TMEM120B: variants seen among roughly 807,000 people sequenced by gnomAD.
The protein encoded by TMEM120B is transmembrane protein 120B.
TMEM120B carries 31 observed loss-of-function variants against 55.5 expected under a neutral mutation model. The ratio of observed to expected loss-of-function variants is 0.56; its 90% CI spans 0.42 to 0.75. The LOEUF is 0.75. Ranked by LOEUF, TMEM120B falls within the 30% of genes least tolerant of loss-of-function variation. The pLI, the probability that TMEM120B is intolerant of heterozygous loss-of-function variation, is 0.00. For synonymous variants in TMEM120B, 203 were observed against 176.3 expected (o/e 1.15, Z -1.20); for missense variants, 399 against 425.5 (o/e 0.94, Z 0.55).
chr12:121,769,408 C>T (rs1289670509), intron 6 of TMEM120B, among the ~76,000 whole-genome samples: 2 of 152,232 alleles, frequency 1.3e-5, no homozygotes, highest in Middle Eastern at 3.4e-3. Flanking sequence ...AGCTGCAGTC[C>T]TGTGTAAGAA....
intron 1 of TMEM120B, among the ~76,000 whole-genome samples, chr12:121,724,491 G>C (rs1429696705): frequency 6.6e-6 from 1 of 150,620 alleles, no homozygotes; most frequent in African/African-American, 2.4e-5. Context: ...CTATTTCTTA[G>C]GTTTATGGTG....
At chr12:121,744,413 G>T (rs1452674706) in intron 2 of TMEM120B, among the ~76,000 whole-genome samples, 1 of 152,214 alleles carries the variant, frequency 6.6e-6, no homozygotes, top group South Asian at 2.1e-4. Flanking sequence ...AAGATAAGTA[G>T]TTTCCCGGGT....
At chr12:121,724,759 C>T (rs535878588) in intron 1 of TMEM120B, among the ~76,000 whole-genome samples, 126 of 151,910 alleles carry the variant, frequency 8.3e-4, no homozygotes, top group African/African-American at 2.9e-3. Flanking sequence ...TACAGGCGCC[C>T]GCCACCACAC....
Position 121,741,151 on chromosome 12 carries a change from C to T in TMEM120B, c.70-2478C>T, listed in dbSNP as rs569363686. ...TACAAAATTAGGTAGCCAGACTTGG[C>T]CTGCGGCGGTGGTTTACGAATGCCT... is the stretch of plus-strand genomic sequence containing the variant. On this transcript the variant is annotated intron_variant, in intron 1 of 11. Transcript: ENST00000449592. Among the ~76,000 whole-genome samples the T allele has an allele frequency of 1.6e-4, 25 of 152,132 alleles. No individual in the cohort carries two copies. The South Asian group carries it at 1.7e-3, about 10-fold the overall frequency.
intron 1 of TMEM120B, among the ~76,000 whole-genome samples, chr12:121,737,262 T>TG (rs1872775769): frequency 6.6e-6 from 1 of 152,100 alleles, no homozygotes; most frequent in Non-Finnish European, 1.5e-5. Context: ...ACCCAGACTT[T>TG]GGGAGGCCGA....
Position 121,771,420 on chromosome 12 carries a change from T to C in TMEM120B, c.618-68T>C, listed in dbSNP as rs376982373. 1,826 of 1,363,198 alleles carry C rather than the reference T, an allele frequency of 1.3e-3. 5 individuals carry two copies. The highest frequency in any genetic ancestry group is 2.1e-3 in the South Asian group (179 of 85,932). 84.4% of individuals were successfully genotyped at this position (1,363,198 alleles called of 1,614,324 possible). A position where few individuals can be genotyped will look rare whatever the true frequency, so the allele number is the denominator to read the frequency against. On this transcript the variant is annotated intron_variant, in intron 7 of 11. Coordinates refer to ENST00000449592, the MANE Select transcript of TMEM120B (RefSeq NM_001080825.2). ...TTCGCCTCTTCTGGTTGGAATGGAG[T>C]TGGGGCGGGGAGGAATGTCTCATTT...
chr12:121,720,185 A>C (rs2136974707), intron 1 of TMEM120B, among the ~76,000 whole-genome samples: 2 of 152,134 alleles, frequency 1.3e-5, no homozygotes, highest in South Asian at 2.1e-4. Flanking sequence ...TCACTTAACC[A>C]TTGTGTTTTC....
chr12:121,733,487 G>A (rs1002444718), intron 1 of TMEM120B, among the ~76,000 whole-genome samples: 2 of 149,840 alleles, frequency 1.3e-5, no homozygotes, highest in Non-Finnish European at 3.0e-5. Context: ...CTCATGATCC[G>A]CCCGCCTCGG....
Position 121,775,656 on chromosome 12 carries a change from C to T in TMEM120B, c.954C>T (p.Phe318=). The T allele has an allele frequency of 1.2e-6, 2 of 1,614,080 alleles. No homozygotes were observed. The highest frequency in any genetic ancestry group is 1.7e-6 in the Non-Finnish European group (2 of 1,179,970). Residue 318 remains phenylalanine (F), a synonymous_variant, in exon 12 of 12, where the codon TTC becomes TTT. Transcript: ENST00000449592. The surrounding 1 kb of genome is among the most constrained non-coding windows in gnomAD (Gnocchi z 4.3). ...FTFLILFLGN[F]LTTLKVVHAK... ...TCCTCATCCTCTTCCTCGGCAACTT[C>T]CTGACCACGCTCAAAGTCGTGCATG...
At chr12:121,729,281 A>G (rs1025031563) in intron 1 of TMEM120B, among the ~76,000 whole-genome samples, 13 of 152,338 alleles carry the variant, frequency 8.5e-5, no homozygotes, top group African/African-American at 2.4e-4. Context: ...CGGAAAAAGC[A>G]TCTCAAAGCA....
Position 121,775,617 on chromosome 12 carries a change from AC to A in TMEM120B, c.916del (p.Leu306TrpfsTer14). 1.9e-6 allele frequency: 3 copies of A among 1,613,708 alleles called. No individual in the cohort carries two copies. In the East Asian group the frequency reaches 6.7e-5, roughly 36 times the overall value. ...EECREWQVFVLAFTFLILFLG... is the reference protein window; with the variant it reads ...EECREWQVFVXAFTFLILFLG... ...TCTCTGGACTCCCCCAGGTGTTCGT[AC>A]TGGCGTTCACCTTCCTCATCCTCTT... On this transcript the variant is annotated frameshift_variant, in exon 12 of 12. Coordinates refer to ENST00000449592, the MANE Select transcript of TMEM120B (RefSeq NM_001080825.2). LOFTEE classifies it high-confidence loss of function. The surrounding 1 kb of genome is among the most constrained non-coding windows in gnomAD (Gnocchi z 4.3).
Position 121,769,154 on chromosome 12 carries a change from A to G in TMEM120B, c.552-1753A>G, listed in dbSNP as rs1400753767. 4.4e-5 allele frequency among the ~76,000 whole-genome samples: 5 copies of G among 112,510 alleles called. No individual in the cohort carries two copies. The Admixed American group carries it at 4.5e-4, about 10-fold the overall frequency. 73.8% of individuals were successfully genotyped at this position (112,510 alleles called of 152,430 possible). The stretch of plus-strand genomic sequence containing the variant: ...GAGCAAGACTGTCTCAAAAAAAAAA[A>G]AAAAAGGCAAAAAAAAAAACCCCAA... On this transcript the variant is annotated intron_variant, in intron 6 of 11. Transcript: ENST00000449592.
chr12:121,774,868 A>C, intron 10 of TMEM120B, 146 bp downstream of exon 10: 1 of 1,194,218 alleles, frequency 8.4e-7, no homozygotes, highest in Non-Finnish European at 1.2e-6. Flanking sequence ...GGGCCCAGGG[A>C]TGCCAAGGCA....
At chr12:121,771,043 G>T in intron 7 of TMEM120B, 71 bp downstream of exon 7, 1 of 1,531,772 alleles carries the variant, frequency 6.5e-7, no homozygotes, top group South Asian at 1.1e-5. Flanking sequence ...ATGGGGAGGG[G>T]GCTGATCCAG....
chr12:121,729,333 A>G (rs372076576), intron 1 of TMEM120B, among the ~76,000 whole-genome samples: 3 of 152,208 alleles, frequency 2.0e-5, no homozygotes, highest in Non-Finnish European at 4.4e-5. Context: ...CTGATGTGCA[A>G]AGAGTAGCCA....
At chr12:121,728,164 C>T (rs1002445793) in intron 1 of TMEM120B, among the ~76,000 whole-genome samples, 10 of 151,590 alleles carry the variant, frequency 6.6e-5, no homozygotes, top group African/African-American at 9.7e-5. Flanking sequence ...CCTGCCAGGA[C>T]GCTTGGCGAA....
chr12:121,764,531 TAGCC>T (rs1873784048), intron 6 of TMEM120B, among the ~76,000 whole-genome samples: 1 of 150,674 alleles, frequency 6.6e-6, no homozygotes, highest in African/African-American at 2.4e-5. Flanking sequence ...AAAAAAAAAT[TAGCC>T]AGGCATGGTG....
At chr12:121,742,142 A>G (rs1872950726) in intron 1 of TMEM120B, among the ~76,000 whole-genome samples, 1 of 152,054 alleles carries the variant, frequency 6.6e-6, no homozygotes, top group African/African-American at 2.4e-5. Flanking sequence ...AGCTGGGACT[A>G]CAGGCATACG....
intron 10 of TMEM120B, 98 bp downstream of exon 10, chr12:121,774,820 GCTGGGGCCCACAGCATC>G: frequency 7.0e-7 from 1 of 1,430,326 alleles, no homozygotes; most frequent in Non-Finnish European, 9.6e-7. Context: ...CCGTCCCCAT[GCTGGGGCCCACAGCATC>G]CTGGGGCCGG....
Sources: allele counts gnomAD v4.1 joint callset (sites outside exome capture counted in the v4.1 genomes callset), GRCh38; gene constraint gnomAD v4.1.1; non-coding constraint Gnocchi (gnomAD v3.1); transcripts MANE v1.5; gene names NCBI Gene and HGNC (gene_info 2026-07-23, HGNC 2026-07-21).